ATXN7L1: variants seen among roughly 807,000 people sequenced by gnomAD.
The protein encoded by ATXN7L1 is ataxin-7-like protein 1.
In ATXN7L1, 15 loss-of-function variants were observed where a neutral mutation model predicts 70.8. That is an observed-to-expected ratio of 0.21 (90% CI 0.14 to 0.33). ATXN7L1 has a LOEUF of 0.33. ATXN7L1 is among the 10% of genes least tolerant of loss of function. The pLI is 1.00. For missense variants in ATXN7L1, 975 were observed against 1,097.1 expected (o/e 0.89, Z 1.57); for synonymous variants, 440 against 445.1 (o/e 0.99, Z 0.14).
At chr7:105,725,304 C>T (rs1795675475) in intron 3 of ATXN7L1, among the ~76,000 whole-genome samples, 1 of 152,188 alleles carries the variant, frequency 6.6e-6, no homozygotes, top group African/African-American at 2.4e-5. Context: ...TAGGTGGAAG[C>T]AACCAGACCC....
chr7:105,803,743 T>C (rs75780651), intron 2 of ATXN7L1, among the ~76,000 whole-genome samples: 5,773 of 152,284 alleles, frequency 0.038, 375 homozygotes, highest in African/African-American at 0.13. Flanking sequence ...GATGTAGCTG[T>C]TCAACCCGGC....
chr7:105,676,499 G>A (rs559893997), intron 3 of ATXN7L1, among the ~76,000 whole-genome samples: 1 of 152,260 alleles, frequency 6.6e-6, no homozygotes, highest in East Asian at 1.9e-4. Flanking sequence ...CAGACCCCAG[G>A]ATCTTGGGGA....
intron 4 of ATXN7L1, among the ~76,000 whole-genome samples, chr7:105,643,565 G>A (rs959273448): frequency 1.3e-5 from 2 of 152,170 alleles, no homozygotes; most frequent in Admixed American, 6.5e-5. Flanking sequence ...AGCCCGGCCC[G>A]GATCGGGCCT....
chr7:105,694,068 G>T (rs1264275781), intron 3 of ATXN7L1, among the ~76,000 whole-genome samples: 19 of 138,268 alleles, frequency 1.4e-4, no homozygotes, highest in Non-Finnish European at 2.4e-4. Flanking sequence ...TTTTTTTTAA[G>T]GCAGAGTCTC....
At chr7:105,807,672 C>T (rs1176779642) in intron 2 of ATXN7L1, among the ~76,000 whole-genome samples, 1 of 152,220 alleles carries the variant, frequency 6.6e-6, no homozygotes, top group Admixed American at 6.5e-5. Flanking sequence ...CTCCTTGGAA[C>T]CCTCATGTGG....
chr7:105,610,909 C>T lies in ATXN7L1; in HGVS notation c.2473-306G>A, dbSNP rs921526522. Reference sequence around the variant, plus strand: ...AAAGGCATCTGGTGGAGATGCCTGGCCCCTCCTGGGAGCTTCACTCAGCAG... The same window carrying T: ...AAAGGCATCTGGTGGAGATGCCTGGTCCCTCCTGGGAGCTTCACTCAGCAG... On this transcript the variant is annotated intron_variant, in intron 10 of 11. Transcript: ENST00000419735. Among the ~76,000 whole-genome samples, 4 of 152,318 alleles carry T rather than the reference C, an allele frequency of 2.6e-5. No homozygotes were observed. The South Asian group carries it at 8.3e-4, about 32-fold the overall frequency.
At chr7:105,792,196 C>G (rs556345949) in intron 2 of ATXN7L1, among the ~76,000 whole-genome samples, 1 of 152,344 alleles carries the variant, frequency 6.6e-6, no homozygotes, top group South Asian at 2.1e-4. Flanking sequence ...TGTTCCCCTC[C>G]AGGCCTTTCC....
chr7:105,666,310 CAT>C (rs1333400597), intron 3 of ATXN7L1, among the ~76,000 whole-genome samples: 3 of 152,184 alleles, frequency 2.0e-5, no homozygotes, highest in African/African-American at 7.2e-5. Context: ...GCTTAATTAA[CAT>C]GTGTTGAATA....
chr7:105,727,190 T>C (rs1795911676), intron 3 of ATXN7L1, among the ~76,000 whole-genome samples: 1 of 152,166 alleles, frequency 6.6e-6, no homozygotes, highest in Non-Finnish European at 1.5e-5. Flanking sequence ...ATAAACACTA[T>C]GCACAAGAGT....
At chr7:105,632,786 T>C (rs1182772660) in intron 7 of ATXN7L1, among the ~76,000 whole-genome samples, 1 of 151,580 alleles carries the variant, frequency 6.6e-6, no homozygotes, top group Admixed American at 6.6e-5. Context: ...CCAGGGGCAG[T>C]GGCTTGCACC....
At chr7:105,697,080 G>T (rs1791812081) in intron 3 of ATXN7L1, among the ~76,000 whole-genome samples, 1 of 152,146 alleles carries the variant, frequency 6.6e-6, no homozygotes, top group Middle Eastern at 3.2e-3. Flanking sequence ...ACAAGTGGAG[G>T]CAGGGCGAGA....
At chr7:105,611,219 A>G (rs1793125161) in intron 10 of ATXN7L1, among the ~76,000 whole-genome samples, 1 of 152,106 alleles carries the variant, frequency 6.6e-6, no homozygotes, top group Non-Finnish European at 1.5e-5. Flanking sequence ...TTCCTCTGGG[A>G]CTGTCCTTCA....
intron 4 of ATXN7L1, among the ~76,000 whole-genome samples, chr7:105,662,764 A>G (rs1801917132): frequency 6.6e-6 from 1 of 151,912 alleles, no homozygotes; most frequent in Admixed American, 6.6e-5. Flanking sequence ...CATTTCTCTA[A>G]TTTTTTTTAG....
chr7:105,688,956 G>C (rs551931940), intron 3 of ATXN7L1, among the ~76,000 whole-genome samples: 1 of 152,194 alleles, frequency 6.6e-6, no homozygotes, highest in Non-Finnish European at 1.5e-5. Flanking sequence ...ATATGTCATG[G>C]CTGTTGTTCC....
intron 4 of ATXN7L1, among the ~76,000 whole-genome samples, chr7:105,660,576 C>CTTTTTTTTTT (rs34008024): frequency 1.3e-5 from 1 of 78,140 alleles, no homozygotes; most frequent in Non-Finnish European, 2.3e-5. Flanking sequence ...CGGAAGTGAC[C>CTTTTTTTTTT]TTTTTTTTTT....
At chr7:105,778,540 G>A (rs7780384) in intron 3 of ATXN7L1, among the ~76,000 whole-genome samples, 41,620 of 129,202 alleles carry the variant, frequency 0.32, 6,457 homozygotes, top group East Asian at 0.51. Context: ...AAAAAACAAA[G>A]ACTAAATAAT....
Position 105,801,225 on chromosome 7 carries a change from CAGTT to C in ATXN7L1, c.251-12521_251-12518del, listed in dbSNP as rs535871439. On this transcript the variant is annotated intron_variant, in intron 2 of 11. Transcript: ENST00000419735. ...AGTATGAAGTTTCACTGGAGCAAAA[CAGTT>C]AGTATGAGGAATAAAATCACTGTTA... Among the ~76,000 whole-genome samples the C allele has an allele frequency of 2.4e-4, 37 of 152,224 alleles. No homozygotes were observed. The East Asian group carries it at 6.9e-3, about 29-fold the overall frequency.
intron 9 of ATXN7L1, among the ~76,000 whole-genome samples, chr7:105,619,140 G>GTTATTTTTTTTTTTT (rs1794379495): frequency 2.0e-5 from 1 of 49,846 alleles, no homozygotes; most frequent in Non-Finnish European, 3.3e-5. Flanking sequence ...GAAATCTTTA[G>GTTATTTTTTTTTTTT]TTTTTTTTTT....
At chr7:105,625,989 G>A (rs1360662979) in intron 7 of ATXN7L1, among the ~76,000 whole-genome samples, 1 of 152,216 alleles carries the variant, frequency 6.6e-6, no homozygotes, top group East Asian at 1.9e-4. Flanking sequence ...TCATGAAGCA[G>A]CACTGCTGAT....
Sources: allele counts gnomAD v4.1 joint callset (sites outside exome capture counted in the v4.1 genomes callset), GRCh38; gene constraint gnomAD v4.1.1; transcripts MANE v1.5; gene names NCBI Gene and HGNC (gene_info 2026-07-23, HGNC 2026-07-21).